Variants in ARHGAP24 observed in about 807,000 individuals in gnomAD.
The protein encoded by ARHGAP24 is rho GTPase-activating protein 24.
In ARHGAP24, 50 loss-of-function variants were observed where a neutral mutation model predicts 76.4. That is an observed-to-expected ratio of 0.65 (90% CI 0.52 to 0.83). The LOEUF (loss-of-function observed/expected upper bound fraction) is 0.83. Ranked by LOEUF, ARHGAP24 falls within the 40% of genes least tolerant of loss-of-function variation. The pLI is 0.00. For synonymous variants in ARHGAP24, 345 were observed against 323.3 expected (o/e 1.07, Z -0.72); for missense variants, 930 against 914.2 (o/e 1.02, Z -0.22).
chr4:85,817,860 TA>T (rs1403768250), intron 3 of ARHGAP24, among the ~76,000 whole-genome samples: 8 of 152,316 alleles, frequency 5.3e-5, no homozygotes, highest in East Asian at 1.9e-4. Context: ...TCTTAACTTT[TA>T]AAATCCAAGT....
At chr4:85,529,573 T>C (rs1444486303) in intron 1 of ARHGAP24, among the ~76,000 whole-genome samples, 2 of 152,018 alleles carry the variant, frequency 1.3e-5, no homozygotes, top group African/African-American at 2.4e-5. Context: ...TAATTCTTTG[T>C]TGTTGGAACC....
chr4:85,566,520 A>T (rs1327699058), intron 1 of ARHGAP24, among the ~76,000 whole-genome samples: 1 of 152,254 alleles, frequency 6.6e-6, no homozygotes, highest in Non-Finnish European at 1.5e-5. Context: ...CTTAGCGTAC[A>T]CATTCTTCTT....
intron 2 of ARHGAP24, among the ~76,000 whole-genome samples, chr4:85,721,125 G>A (rs1174863022): frequency 6.6e-6 from 1 of 152,208 alleles, no homozygotes; most frequent in Non-Finnish European, 1.5e-5. Context: ...GCTGGGCGTG[G>A]TGGCTCATGC....
intron 2 of ARHGAP24, among the ~76,000 whole-genome samples, chr4:85,583,746 G>T (rs1247923612): frequency 6.5e-5 from 8 of 122,824 alleles, no homozygotes; most frequent in Non-Finnish European, 1.1e-4. Context: ...AAATTTACAA[G>T]AAAAAAAAAA....
intron 3 of ARHGAP24, among the ~76,000 whole-genome samples, chr4:85,882,678 G>C (rs1733328918): frequency 1.3e-5 from 2 of 152,096 alleles, no homozygotes; most frequent in African/African-American, 2.4e-5. Context: ...GATTCAAGAA[G>C]CATTTAGCAA....
At chr4:85,932,261 A>AC (rs1553944285) in intron 4 of ARHGAP24, among the ~76,000 whole-genome samples, 2 of 152,050 alleles carry the variant, frequency 1.3e-5, no homozygotes, top group African/African-American at 4.8e-5. Flanking sequence ...GAAATTAACA[A>AC]TGACAGAAAT....
chr4:85,709,620 C>A (rs1394853313), intron 2 of ARHGAP24, among the ~76,000 whole-genome samples: 1 of 150,936 alleles, frequency 6.6e-6, no homozygotes, highest in Non-Finnish European at 1.5e-5. Context: ...TTATTAATGA[C>A]CCCTTGTCAG....
intron 2 of ARHGAP24, among the ~76,000 whole-genome samples, chr4:85,627,782 G>T (rs183621088): frequency 1.9e-4 from 29 of 152,334 alleles, no homozygotes; most frequent in Admixed American, 7.8e-4. Context: ...CATGGCAGGT[G>T]CCCTTTCCCC....
chr4:85,660,431 A>G (rs1326027174), intron 2 of ARHGAP24, among the ~76,000 whole-genome samples: 3 of 152,164 alleles, frequency 2.0e-5, no homozygotes, highest in Non-Finnish European at 4.4e-5. Flanking sequence ...TGTTTCAATA[A>G]TGCAGATGTT....
chr4:85,946,562 A>G (rs1226908619), intron 5 of ARHGAP24, among the ~76,000 whole-genome samples: 1 of 152,136 alleles, frequency 6.6e-6, no homozygotes, highest in Non-Finnish European at 1.5e-5. Flanking sequence ...GTTCCCACTT[A>G]TAAGTGAGAA....
chr4:85,870,571 G>A (rs1366974687), intron 3 of ARHGAP24, among the ~76,000 whole-genome samples: 1 of 152,122 alleles, frequency 6.6e-6, no homozygotes, highest in Non-Finnish European at 1.5e-5. Flanking sequence ...CCATTAGTTA[G>A]TGGAGGCCCT....
intron 1 of ARHGAP24, among the ~76,000 whole-genome samples, chr4:85,501,841 T>A (rs1723830053): frequency 6.6e-6 from 1 of 152,022 alleles, no homozygotes; most frequent in African/African-American, 2.4e-5. Context: ...TTTTCTAGGG[T>A]TTTTATGGTT....
chr4:85,950,453 T>G (rs891824494), intron 5 of ARHGAP24, among the ~76,000 whole-genome samples: 6 of 151,836 alleles, frequency 4.0e-5, no homozygotes, highest in Non-Finnish European at 8.8e-5. Flanking sequence ...TGAGTTATGA[T>G]CATACTGCTG....
intron 1 of ARHGAP24, among the ~76,000 whole-genome samples, chr4:85,492,091 C>T (rs1723380120): frequency 6.6e-6 from 1 of 151,490 alleles, no homozygotes; most frequent in Non-Finnish European, 1.5e-5. Context: ...TTCCCTCCTC[C>T]CTCCTTCCCT....
chr4:85,766,113 T>C (rs1363640866), intron 3 of ARHGAP24, among the ~76,000 whole-genome samples: 2 of 152,090 alleles, frequency 1.3e-5, no homozygotes. Flanking sequence ...ATCAGAATAT[T>C]TAGAGCCCGG....
At chr4:85,860,304 C>G (rs184688262) in intron 3 of ARHGAP24, among the ~76,000 whole-genome samples, 154 of 152,154 alleles carry the variant, frequency 1.0e-3, no homozygotes, top group African/African-American at 3.7e-3. Flanking sequence ...CGAGGGCTCA[C>G]TCATATATGA....
In ARHGAP24 at chr4:85,617,271, T is replaced by G. The variant is rs187079709; in HGVS notation, c.180+46550T>G. Among the ~76,000 whole-genome samples, 83 of 149,714 alleles carry G rather than the reference T, an allele frequency of 5.5e-4. 1 individual carries two copies. The South Asian group carries it at 0.012, about 21-fold the overall frequency. The stretch of plus-strand genomic sequence containing the variant: ...CTATATATTTATATCTATATTAATA[T>G]AGATATATTGATATACTTAACATTT... On this transcript the variant is annotated intron_variant, in intron 2 of 9. Coordinates refer to ENST00000395184, the MANE Select transcript of ARHGAP24 (RefSeq NM_001025616.3).
chr4:85,860,573 A>G (rs1045234700), intron 3 of ARHGAP24, among the ~76,000 whole-genome samples: 7 of 152,108 alleles, frequency 4.6e-5, no homozygotes, highest in Admixed American at 1.3e-4. Flanking sequence ...TGAATGCATC[A>G]ATTACTAAAG....
At chr4:85,669,931 A>G (rs1478379360) in intron 2 of ARHGAP24, among the ~76,000 whole-genome samples, 1 of 152,012 alleles carries the variant, frequency 6.6e-6, no homozygotes, top group African/African-American at 2.4e-5. Context: ...ACATGTGTCA[A>G]CACCTCTTCT....
Sources: allele counts gnomAD v4.1 joint callset (sites outside exome capture counted in the v4.1 genomes callset), GRCh38; gene constraint gnomAD v4.1.1; transcripts MANE v1.5; gene names NCBI Gene and HGNC (gene_info 2026-07-23, HGNC 2026-07-21).